The following ARID4B variants were observed in gnomAD, a reference collection of about 807,000 sequenced individuals.
ARID4B encodes AT-rich interaction domain 4B, also known as AT-rich interactive domain-containing protein 4B.
Under a neutral mutation model 147.5 loss-of-function variants are expected in ARID4B, and 26 were observed. The observed-to-expected ratio is 0.18, with a 90% CI of 0.13 to 0.24. The LOEUF is 0.24. ARID4B is among the 10% of genes least tolerant of loss of function. The pLI, the probability that ARID4B is intolerant of heterozygous loss-of-function variation, is 1.00. For missense variants in ARID4B, 1,179 were observed against 1,511.5 expected (o/e 0.78, Z 3.65); for synonymous variants, 512 against 507.9 (o/e 1.01, Z -0.11).
intron 16 of ARID4B, among the ~76,000 whole-genome samples, chr1:235,219,061 G>A (rs1482851921): frequency 3.3e-5 from 5 of 151,808 alleles, no homozygotes; most frequent in Non-Finnish European, 4.4e-5. Flanking sequence ...ACAGGGTTTC[G>A]GTATGTTGGC....
chr1:235,302,488 C>G (rs1192644812), intron 2 of ARID4B, among the ~76,000 whole-genome samples: 1 of 152,006 alleles, frequency 6.6e-6, no homozygotes, highest in Non-Finnish European at 1.5e-5. Context: ...GATATCATTA[C>G]ATGTTGAAAT....
intron 6 of ARID4B, among the ~76,000 whole-genome samples, chr1:235,251,720 A>G (rs1391711501): frequency 1.3e-5 from 2 of 152,104 alleles, no homozygotes; most frequent in Admixed American, 6.5e-5. Flanking sequence ...ATATCCCCAA[A>G]GAAACACTAT....
At chr1:235,228,187 T>G (rs1331978903) in intron 11 of ARID4B, 1 of 151,902 alleles carries the variant, frequency 6.6e-6, no homozygotes, top group African/African-American at 2.4e-5. Context: ...TATACTTTTC[T>G]GGGTTAATCA....
At chr1:235,309,411 C>T (rs1191208224) in intron 2 of ARID4B, among the ~76,000 whole-genome samples, 30 of 149,540 alleles carry the variant, frequency 2.0e-4, no homozygotes, top group Admixed American at 3.3e-4. Context: ...GCCACCCGTC[C>T]GGGAGGGAGG....
chr1:235,247,995 T>A (rs1259846394), intron 6 of ARID4B, among the ~76,000 whole-genome samples: 2 of 151,982 alleles, frequency 1.3e-5, no homozygotes, highest in Non-Finnish European at 2.9e-5. Context: ...TCTCAAAAAA[T>A]AAAAATAAAA....
At chr1:235,227,627 G>A (rs931799439) in intron 11 of ARID4B, among the ~76,000 whole-genome samples, 2 of 151,896 alleles carry the variant, frequency 1.3e-5, no homozygotes, top group African/African-American at 2.4e-5. Context: ...TAACTTTTAC[G>A]AGGCTGTTCA....
At chr1:235,237,872 C>T (rs936882830) in intron 8 of ARID4B, among the ~76,000 whole-genome samples, 22 of 152,062 alleles carry the variant, frequency 1.4e-4, no homozygotes, top group African/African-American at 1.9e-4. Context: ...TAATCATCAC[C>T]GGGTGTGCTG....
At chr1:235,327,009 G>A (rs1453545864) in intron 1 of ARID4B, 41 bp from the exon 2 acceptor site, 12 of 1,390,212 alleles carry the variant, frequency 8.6e-6, no homozygotes, top group South Asian at 8.1e-5. Flanking sequence ...CACCACAGGA[G>A]CCCCTCTGCA....
At chr1:235,208,220 C>T (rs1452514560) in intron 17 of ARID4B, among the ~76,000 whole-genome samples, 1 of 152,078 alleles carries the variant, frequency 6.6e-6, no homozygotes, top group African/African-American at 2.4e-5. Context: ...CAAAGAAATC[C>T]AACACACTCA....
intron 17 of ARID4B, among the ~76,000 whole-genome samples, chr1:235,200,384 G>A (rs1665825255): frequency 2.0e-5 from 3 of 152,146 alleles, no homozygotes; most frequent in Non-Finnish European, 2.9e-5. Context: ...GCTTGAACCC[G>A]AGAGGCGGAG....
intron 2 of ARID4B, among the ~76,000 whole-genome samples, chr1:235,276,223 A>G (rs905848374): frequency 6.5e-4 from 98 of 151,694 alleles, no homozygotes; most frequent in African/African-American, 2.3e-3. Context: ...TTTTTTTGAA[A>G]AGCTATTTGA....
intron 2 of ARID4B, among the ~76,000 whole-genome samples, chr1:235,326,621 T>C (rs1231442849): frequency 6.6e-6 from 1 of 152,244 alleles, no homozygotes. Flanking sequence ...GACTTGCTTT[T>C]TATTTTACCT....
chr1:235,220,242 A>C, intron 15 of ARID4B, 60 bp downstream of exon 15: 2 of 1,461,146 alleles, frequency 1.4e-6, no homozygotes, highest in Admixed American at 4.5e-5. Context: ...TTGGAACTTT[A>C]TAGAGGATAT....
At chr1:235,175,872 A>G (rs114634805) in intron 21 of ARID4B, among the ~76,000 whole-genome samples, 2,107 of 152,318 alleles carry the variant, frequency 0.014, 58 homozygotes, top group African/African-American at 0.048. Context: ...CTGAAGTTTG[A>G]TATGTATAAT....
At position 235,181,646 on chromosome 1, in the gene ARID4B, A is replaced by G. The variant is rs775032807; in HGVS notation, c.3273T>C (p.Gly1091=). The G allele has an allele frequency of 1.6e-5, 26 of 1,613,894 alleles. No homozygotes were observed. In the South Asian group the frequency reaches 2.9e-4, roughly 18 times the overall value. ...LQSEGNSSPA[G]FDASVSSSSS... is the part of the protein sequence containing the mutation. ...TGCTTGAGCTCACACTGGCATCAAAACCTGCTGGCGAGCTATTCCCTTCAG... is the reference window on the plus strand; with the variant it reads ...TGCTTGAGCTCACACTGGCATCAAAGCCTGCTGGCGAGCTATTCCCTTCAG... Residue 1091 remains glycine, a synonymous_variant, in exon 20 of 24, where the codon GGT becomes GGC. Transcript: ENST00000264183.
intron 2 of ARID4B, among the ~76,000 whole-genome samples, chr1:235,324,891 T>C (rs988867783): frequency 1.3e-5 from 2 of 152,012 alleles, no homozygotes; most frequent in Non-Finnish European, 2.9e-5. Flanking sequence ...CAGGGTGAAA[T>C]AGTGAGACTC....
chr1:235,263,980 C>T (rs1266803322), intron 2 of ARID4B, among the ~76,000 whole-genome samples: 1 of 150,186 alleles, frequency 6.7e-6, no homozygotes, highest in Non-Finnish European at 1.5e-5. Context: ...GGTGACAGAG[C>T]GAGACTCCAT....
intron 2 of ARID4B, among the ~76,000 whole-genome samples, chr1:235,273,996 G>A (rs1011767326): frequency 2.7e-4 from 41 of 152,052 alleles, no homozygotes; most frequent in Admixed American, 6.5e-4. Context: ...CACTATGAAC[G>A]CTGGTTGTAA....
intron 2 of ARID4B, among the ~76,000 whole-genome samples, chr1:235,312,046 T>C (rs1295316681): frequency 6.6e-6 from 1 of 152,042 alleles, no homozygotes; most frequent in Non-Finnish European, 1.5e-5. Flanking sequence ...TCCCAGCACT[T>C]TGGGAGGCCG....
Sources: gnomAD v4.1 joint callset for allele counts (sites outside exome capture counted in the v4.1 genomes callset) on GRCh38, gnomAD v4.1.1 for gene constraint, MANE v1.5 for transcripts, NCBI Gene and HGNC (gene_info 2026-07-23, HGNC 2026-07-21) for gene names.